Variants in NPAS3 observed in about 807,000 individuals in gnomAD.
NPAS3 encodes the protein neuronal PAS domain-containing protein 3.
NPAS3 carries 14 observed loss-of-function variants against 73.1 expected under a neutral mutation model. The observed-to-expected ratio is 0.19, with a 90% CI of 0.13 to 0.30. NPAS3 has a LOEUF of 0.30. Among genes scored for constraint, NPAS3 ranks in the 10% least tolerant of loss-of-function variants. The pLI, the probability that NPAS3 is intolerant of heterozygous loss-of-function variation, is 1.00. For synonymous variants in NPAS3, 620 were observed against 541.5 expected, an observed-to-expected ratio of 1.14 and a Z score of -2.01; for missense variants, 1,096 against 1,250.0, an observed-to-expected ratio of 0.88 and a Z score of 1.86.
intron 1 of NPAS3, among the ~76,000 whole-genome samples, chr14:33,050,078 G>A (rs895952735): frequency 2.0e-5 from 3 of 152,160 alleles, no homozygotes; most frequent in Non-Finnish European, 4.4e-5. Context: ...AGGGGGGAAA[G>A]TCTAATTGGA....
chr14:33,039,452 C>A (rs550924406), intron 1 of NPAS3, among the ~76,000 whole-genome samples: 2 of 152,152 alleles, frequency 1.3e-5, no homozygotes, highest in South Asian at 2.1e-4. Context: ...TCCCCACCCC[C>A]TCTTGGACTG....
intron 4 of NPAS3, among the ~76,000 whole-genome samples, chr14:33,468,426 T>G (rs1355645006): frequency 6.6e-6 from 1 of 152,248 alleles, no homozygotes; most frequent in Admixed American, 6.5e-5. Flanking sequence ...CTGTCTTCTG[T>G]TTTAAAAGCC....
intron 6 of NPAS3, among the ~76,000 whole-genome samples, chr14:33,721,322 A>G (rs1198960186): frequency 6.6e-6 from 1 of 152,168 alleles, no homozygotes; most frequent in African/African-American, 2.4e-5. Flanking sequence ...CAACAACAAA[A>G]AAACTTTGAA....
At chr14:33,750,638 C>T (rs143112300) in intron 7 of NPAS3, among the ~76,000 whole-genome samples, 46 of 147,564 alleles carry the variant, frequency 3.1e-4, no homozygotes, top group African/African-American at 1.1e-3. Context: ...TTTCATTCTT[C>T]AACACCACCC....
At chr14:33,020,646 G>T (rs1004311273) in intron 1 of NPAS3, among the ~76,000 whole-genome samples, 1 of 152,154 alleles carries the variant, frequency 6.6e-6, no homozygotes, top group African/African-American at 2.4e-5. Context: ...AAGGATCTCA[G>T]TGGCTATTTT....
At chr14:33,406,190 C>T (rs1304116394) in intron 4 of NPAS3, among the ~76,000 whole-genome samples, 1 of 152,102 alleles carries the variant, frequency 6.6e-6, no homozygotes, top group Non-Finnish European at 1.5e-5. Context: ...ATTGTTACTT[C>T]TAAGTTTATG....
At chr14:33,436,975 C>T (rs1482601160) in intron 4 of NPAS3, among the ~76,000 whole-genome samples, 1 of 152,136 alleles carries the variant, frequency 6.6e-6, no homozygotes, top group Non-Finnish European at 1.5e-5. Context: ...CCCACACTAC[C>T]CCTACAATTT....
intron 2 of NPAS3, among the ~76,000 whole-genome samples, chr14:33,187,149 A>G (rs2046005746): frequency 6.6e-6 from 1 of 152,162 alleles, no homozygotes; most frequent in Non-Finnish European, 1.5e-5. Flanking sequence ...TCTTACTACC[A>G]TTAGAATAAA....
At chr14:33,339,189 A>G (rs142676122) in intron 3 of NPAS3, among the ~76,000 whole-genome samples, 36 of 152,326 alleles carry the variant, frequency 2.4e-4, no homozygotes, top group African/African-American at 8.7e-4. Context: ...GCTAAATGTT[A>G]TTATAATAAT....
chr14:33,332,079 T>C (rs1457809739), intron 3 of NPAS3, among the ~76,000 whole-genome samples: 3 of 152,224 alleles, frequency 2.0e-5, no homozygotes, highest in Admixed American at 1.3e-4. Context: ...TCTTTGATGG[T>C]TCTACATAAA....
intron 3 of NPAS3, among the ~76,000 whole-genome samples, chr14:33,340,725 C>T (rs1360780370): frequency 6.6e-6 from 1 of 152,178 alleles, no homozygotes; most frequent in African/African-American, 2.4e-5. Context: ...TCTACTTTGA[C>T]ATGCTAATGG....
intron 2 of NPAS3, among the ~76,000 whole-genome samples, chr14:33,198,313 C>G (rs1222001052): frequency 1.3e-5 from 2 of 152,198 alleles, no homozygotes; most frequent in East Asian, 1.9e-4. Context: ...TGGCCCCACC[C>G]ACATCCTGCT....
At chr14:33,193,092 T>A (rs1460799137) in intron 2 of NPAS3, among the ~76,000 whole-genome samples, 1 of 152,226 alleles carries the variant, frequency 6.6e-6, no homozygotes, top group Admixed American at 6.5e-5. Context: ...GTTGGTTTGC[T>A]ATCTCTTTTA....
intron 3 of NPAS3, among the ~76,000 whole-genome samples, chr14:33,244,112 T>C (rs1311562094): frequency 6.6e-6 from 1 of 151,900 alleles, no homozygotes; most frequent in Non-Finnish European, 1.5e-5. Flanking sequence ...AATCTAACTT[T>C]CAATTTTATT....
chr14:33,574,963 C>CA (rs1397640670), intron 5 of NPAS3, among the ~76,000 whole-genome samples: 5 of 111,700 alleles, frequency 4.5e-5, no homozygotes, highest in Non-Finnish European at 9.6e-5. Context: ...GGTCCATGCA[C>CA]ACAGTGGTGC....
At chr14:33,426,402 A>C (rs1232291668) in intron 4 of NPAS3, among the ~76,000 whole-genome samples, 1 of 152,030 alleles carries the variant, frequency 6.6e-6, no homozygotes, top group Non-Finnish European at 1.5e-5. Context: ...GGAGCTTGCT[A>C]ACCTGGAAAC....
At chr14:33,098,213 G>A (rs921064583) in intron 2 of NPAS3, among the ~76,000 whole-genome samples, 7 of 152,060 alleles carry the variant, frequency 4.6e-5, no homozygotes, top group Non-Finnish European at 7.4e-5. Flanking sequence ...TTGCTGAGTT[G>A]GCATTATCTT....
At chr14:33,646,626 T>C (rs1450731215) in intron 5 of NPAS3, among the ~76,000 whole-genome samples, 1 of 152,212 alleles carries the variant, frequency 6.6e-6, no homozygotes, top group African/African-American at 2.4e-5. Flanking sequence ...ACAGCAGTGC[T>C]CTAGCTCTTT....
chr14:33,332,412 A>G (rs1413425281), intron 3 of NPAS3, among the ~76,000 whole-genome samples: 1 of 152,220 alleles, frequency 6.6e-6, no homozygotes, highest in Non-Finnish European at 1.5e-5. Context: ...CATGGAATGT[A>G]GTTAGACACC....
Sources: allele counts gnomAD v4.1 joint callset (sites outside exome capture counted in the v4.1 genomes callset), GRCh38; gene constraint gnomAD v4.1.1; transcripts MANE v1.5; gene names NCBI Gene and HGNC (gene_info 2026-07-23, HGNC 2026-07-21).